NPTN: variants seen among roughly 807,000 people sequenced by gnomAD.
The protein encoded by NPTN is SDR-1.
Under a neutral mutation model 42.7 loss-of-function variants are expected in NPTN, and 5 were observed. That is an observed-to-expected ratio of 0.12 (90% CI 0.06 to 0.25). The LOEUF is 0.25. NPTN is among the 10% of genes least tolerant of loss of function. The pLI, the probability that NPTN is intolerant of heterozygous loss-of-function variation, is 1.00. For missense variants in NPTN, 307 were observed against 525.4 expected (o/e 0.58, Z 4.06); for synonymous variants, 180 against 201.9 (o/e 0.89, Z 0.92).
rs1402136743 is a variant in NPTN at position 73,605,099 on chromosome 15, A to AGGCGG, written c.92-7731_92-7730insCCGCC. 1.2e-3 allele frequency among the ~76,000 whole-genome samples: 148 copies of AGGCGG among 121,634 alleles called. 3 individuals carry two copies. Among genetic ancestry groups the AGGCGG allele is most frequent in the African/African-American group, 4.4e-3 (120 of 27,156 alleles). 79.8% of individuals were successfully genotyped at this position (121,634 alleles called of 152,430 possible). A position where few individuals can be genotyped will look rare whatever the true frequency, so the allele number is the denominator to read the frequency against. ...GTGACAGAGTAGAGACCCTGTCTCA[A>AGGCGG]GGGGGGGGGGGGAAAAGAATGATCT... On this transcript the variant is annotated intron_variant, in intron 1 of 8. Transcript: ENST00000345330.
chr15:73,609,997 T>C lies in NPTN; in HGVS notation c.92-12628A>G, dbSNP rs149235571. Among the ~76,000 whole-genome samples the C allele has an allele frequency of 1.7e-3, 265 of 152,268 alleles. 1 individual carries two copies. Among genetic ancestry groups the C allele is most frequent in the African/African-American group, 6.2e-3 (258 of 41,558 alleles). ...TTTCTAGCTATAAAACACTACAACT[T>C]ATTCCTCCTATCTAGCTTTAATTTT... On this transcript the variant is annotated intron_variant, in intron 1 of 8. Coordinates refer to ENST00000345330, the MANE Select transcript of NPTN (RefSeq NM_012428.4).
chr15:73,583,450 T>A (rs1220300621), intron 4 of NPTN, among the ~76,000 whole-genome samples: 3 of 152,134 alleles, frequency 2.0e-5, no homozygotes, highest in Non-Finnish European at 2.9e-5. Flanking sequence ...ATAATTGCAC[T>A]TATCCCATAG....
intron 8 of NPTN, among the ~76,000 whole-genome samples, chr15:73,561,359 A>G (rs1894652028): frequency 6.6e-6 from 1 of 152,230 alleles, no homozygotes; most frequent in Non-Finnish European, 1.5e-5. Context: ...GTCTTCTGAA[A>G]TGGCATTTAT....
intron 1 of NPTN, among the ~76,000 whole-genome samples, chr15:73,615,995 A>C (rs1897847181): frequency 1.3e-5 from 2 of 152,196 alleles, no homozygotes; most frequent in South Asian, 4.1e-4. Context: ...TTTCTTCCCC[A>C]GAGGTTGGCA....
chr15:73,579,233 C>T (rs141143824), intron 4 of NPTN, among the ~76,000 whole-genome samples: 64 of 149,166 alleles, frequency 4.3e-4, no homozygotes, highest in African/African-American at 1.2e-3. Context: ...AAGCTGAGAT[C>T]GCGCCACTGC....
chr15:73,622,656 GCTACT>G (rs1353415053), intron 1 of NPTN, among the ~76,000 whole-genome samples: 2 of 152,086 alleles, frequency 1.3e-5, no homozygotes, highest in Admixed American at 1.3e-4. Flanking sequence ...ATAAAACAAT[GCTACT>G]CTAACCTATA....
At chr15:73,576,404 C>A (rs550576854) in intron 4 of NPTN, among the ~76,000 whole-genome samples, 1 of 152,346 alleles carries the variant, frequency 6.6e-6, no homozygotes, top group East Asian at 1.9e-4. Flanking sequence ...TCTTGGTTCA[C>A]TGCAACCTCC....
chr15:73,569,299 C>T lies in NPTN; in HGVS notation c.1114+851G>A, dbSNP rs538041065. ...CAGCTTCCCCCTTCACAGGAAAAATCGATCACCAAAAATTTCCCAAGGCTT... is the reference window on the plus strand; with the variant it reads ...CAGCTTCCCCCTTCACAGGAAAAATTGATCACCAAAAATTTCCCAAGGCTT... On this transcript the variant is annotated intron_variant, in intron 6 of 8. Coordinates refer to ENST00000345330, the MANE Select transcript of NPTN (RefSeq NM_012428.4). The surrounding 1 kb of genome is among the most constrained non-coding windows in gnomAD (Gnocchi z 4.1). 29 of 985,560 alleles carry T rather than the reference C, an allele frequency of 2.9e-5. No individual in the cohort carries two copies. The highest frequency in any genetic ancestry group is 2.5e-4 in the Admixed American group (4 of 16,292). The allele number at this position is 985,560 out of a possible 1,614,324, so 61.1% of individuals were successfully genotyped here.
At chr15:73,583,569 G>A (rs1896166653) in intron 4 of NPTN, among the ~76,000 whole-genome samples, 1 of 152,206 alleles carries the variant, frequency 6.6e-6, no homozygotes, top group South Asian at 2.1e-4. Context: ...TATTAAGGAA[G>A]GTCAGGGTGG....
intron 6 of NPTN, chr15:73,568,389 C>T: frequency 1.0e-6 from 1 of 985,370 alleles, no homozygotes. Context: ...TTCCAAAAGG[C>T]AGGCTGAGGA....
chr15:73,567,830 C>T, intron 6 of NPTN: 1 of 985,394 alleles, frequency 1.0e-6, no homozygotes, highest in Non-Finnish European at 1.2e-6. Context: ...CAAACATTGC[C>T]ATCATTCCAG....
chr15:73,563,153 C>T, intron 7 of NPTN, 83 bp downstream of exon 7: 3 of 993,464 alleles, frequency 3.0e-6, no homozygotes, highest in Non-Finnish European at 4.8e-6. Flanking sequence ...CCCCTCCAAT[C>T]TTAGCTACTC....
intron 1 of NPTN, among the ~76,000 whole-genome samples, chr15:73,607,335 C>G (rs1480372858): frequency 6.6e-6 from 1 of 152,168 alleles, no homozygotes. Flanking sequence ...TCTATAAATT[C>G]AGCGTAACTT....
chr15:73,576,566 T>C (rs1007520955), intron 4 of NPTN, among the ~76,000 whole-genome samples: 1 of 152,192 alleles, frequency 6.6e-6, no homozygotes, highest in East Asian at 1.9e-4. Context: ...TGACCTGAAG[T>C]GATCCACCCG....
intron 1 of NPTN, among the ~76,000 whole-genome samples, chr15:73,620,422 T>C (rs1898077715): frequency 6.6e-6 from 1 of 152,192 alleles, no homozygotes; most frequent in South Asian, 2.1e-4. Flanking sequence ...GCCCTGCCTT[T>C]TATAGGGCAT....
At position 73,633,154 on chromosome 15, in the gene NPTN, AG is replaced by A; in HGVS notation, c.61del (p.Leu21SerfsTer69). 1.3e-6 allele frequency: 2 copies of A among 1,504,158 alleles called. No homozygotes were observed. The highest frequency in any genetic ancestry group is 1.8e-6 in the Non-Finnish European group (2 of 1,133,104). The allele number at this position is 1,504,158 out of a possible 1,614,324, so 93.2% of individuals were successfully genotyped here. On this transcript the variant is annotated frameshift_variant, in exon 1 of 9. Coordinates refer to ENST00000345330, the MANE Select transcript of NPTN (RefSeq NM_012428.4). LOFTEE classifies it high-confidence loss of function. ...CTGAGCGGCGCCTGGCCCTGGGAGG[AG>A]GGAGCCAGAGACCAGCAACAGCGAG... ...ALSLLLVSGS[L>X]LPGPGAAQNA...
At chr15:73,562,028 T>C (rs1395022151) in intron 7 of NPTN, 58 bp from the exon 8 acceptor site, 18 of 1,285,260 alleles carry the variant, frequency 1.4e-5, no homozygotes, top group Non-Finnish European at 1.9e-5. Flanking sequence ...TTTCAAAGTA[T>C]AACACATGGA....
At chr15:73,603,185 T>C (rs1324282597) in intron 1 of NPTN, among the ~76,000 whole-genome samples, 1 of 152,230 alleles carries the variant, frequency 6.6e-6, no homozygotes, top group African/African-American at 2.4e-5. Flanking sequence ...ACAGGGTTAT[T>C]GTGAGGATTA....
At chr15:73,630,871 T>C (rs748009999) in intron 1 of NPTN, among the ~76,000 whole-genome samples, 3 of 152,222 alleles carry the variant, frequency 2.0e-5, no homozygotes, top group East Asian at 1.9e-4. Context: ...ACATGTTATA[T>C]AGAAAGCTAT....
Sources: allele counts gnomAD v4.1 joint callset (sites outside exome capture counted in the v4.1 genomes callset), GRCh38; gene constraint gnomAD v4.1.1; non-coding constraint Gnocchi (gnomAD v3.1); transcripts MANE v1.5; gene names NCBI Gene and HGNC (gene_info 2026-07-23, HGNC 2026-07-21).